HHAT: variants seen among roughly 807,000 people sequenced by gnomAD.
HHAT encodes the protein protein-cysteine N-palmitoyltransferase HHAT.
Under a neutral mutation model 70.8 loss-of-function variants are expected in HHAT, and 47 were observed. The observed-to-expected ratio is 0.66, with a 90% CI of 0.53 to 0.85. HHAT has a LOEUF of 0.85. HHAT is among the 40% of genes least tolerant of loss of function. HHAT has a pLI of 0.00. For missense variants in HHAT, 609 were observed against 604.8 expected (o/e 1.01, Z -0.07); for synonymous variants, 228 against 247.6 (o/e 0.92, Z 0.74).
chr1:210,663,159 A>G (rs1394365298), intron 11 of HHAT, among the ~76,000 whole-genome samples: 1 of 152,178 alleles, frequency 6.6e-6, no homozygotes, highest in African/African-American at 2.4e-5. Flanking sequence ...GACAAAGGAT[A>G]TAAGCGTGCT....
At chr1:210,363,720 T>C (rs1245774063) in intron 3 of HHAT, among the ~76,000 whole-genome samples, 1 of 152,216 alleles carries the variant, frequency 6.6e-6, no homozygotes, top group East Asian at 1.9e-4. Context: ...TATATTTGTT[T>C]TCTAAGTATT....
At chr1:210,417,877 T>A (rs1429611283) in intron 6 of HHAT, among the ~76,000 whole-genome samples, 1 of 152,150 alleles carries the variant, frequency 6.6e-6, no homozygotes, top group Non-Finnish European at 1.5e-5. Flanking sequence ...CCAGGGCTGA[T>A]GCTGGAGTGG....
rs536332932 is a variant in HHAT at position 210,674,637 on chromosome 1, A to G, written c.*258A>G. The G allele has an allele frequency of 2.4e-6, 1 of 422,012 alleles. No homozygotes were observed. The highest frequency in any genetic ancestry group is 4.2e-6 in the Non-Finnish European group (1 of 236,466). 26.1% of individuals were successfully genotyped at this position (422,012 alleles called of 1,614,324 possible). On this transcript the variant is annotated 3_prime_UTR_variant, in exon 12 of 12. Coordinates refer to ENST00000261458, the MANE Select transcript of HHAT (RefSeq NM_018194.6). ...CGGGTCCAGGGCAGTCGTGTGTCTT[A>G]CCCAGCTACACAGGGTGACATTTTG...
At position 210,421,591 on chromosome 1, in the gene HHAT, T is replaced by C. The variant is rs956357049; in HGVS notation, c.856+3266T>C. Among the ~76,000 whole-genome samples the C allele has an allele frequency of 2.0e-4, 30 of 152,222 alleles. 1 individual carries two copies. Among genetic ancestry groups the C allele is most frequent in the Middle Eastern group, 3.4e-3 (1 of 294 alleles). On this transcript the variant is annotated intron_variant, in intron 7 of 11. Transcript: ENST00000261458. ...TCCCAAGTAGCTGGGATTACAGGCA[T>C]GCACCACCGTGCCCAGCTAATTTTT...
At chr1:210,606,159 C>G (rs1665375383) in intron 10 of HHAT, among the ~76,000 whole-genome samples, 1 of 152,116 alleles carries the variant, frequency 6.6e-6, no homozygotes, top group Non-Finnish European at 1.5e-5. Context: ...CACACCCAGC[C>G]TATTTCTTCA....
chr1:210,576,833 G>T (rs552026944), intron 9 of HHAT, among the ~76,000 whole-genome samples: 1 of 152,152 alleles, frequency 6.6e-6, no homozygotes, highest in African/African-American at 2.4e-5. Flanking sequence ...CCATTTTTTG[G>T]TGTGTTTACT....
intron 9 of HHAT, among the ~76,000 whole-genome samples, chr1:210,525,835 G>A (rs796310748): frequency 2.0e-5 from 3 of 152,304 alleles, no homozygotes; most frequent in African/African-American, 7.2e-5. Context: ...CTGAGTCAGC[G>A]ATGTTGCTTA....
intron 6 of HHAT, among the ~76,000 whole-genome samples, chr1:210,405,721 T>A (rs2092303343): frequency 6.6e-6 from 1 of 152,218 alleles, no homozygotes. Context: ...AATAACATAA[T>A]GTTCTAAAAT....
chr1:210,334,662 A>G (rs940336026), intron 1 of HHAT, among the ~76,000 whole-genome samples: 1 of 150,430 alleles, frequency 6.6e-6, no homozygotes, highest in Non-Finnish European at 1.5e-5. Flanking sequence ...TAGTGTATAC[A>G]CCCTACCTTT....
intron 7 of HHAT, among the ~76,000 whole-genome samples, chr1:210,418,989 T>C (rs541533392): frequency 6.6e-6 from 1 of 152,168 alleles, no homozygotes; most frequent in African/African-American, 2.4e-5. Flanking sequence ...GCCAAGATCA[T>C]GCCACCACAC....
intron 10 of HHAT, among the ~76,000 whole-genome samples, chr1:210,602,060 G>A (rs563550394): frequency 2.0e-5 from 3 of 151,966 alleles, no homozygotes; most frequent in African/African-American, 7.2e-5. Context: ...TGGATCGAGG[G>A]GGAGCTGAGG....
chr1:210,550,507 C>T (rs2095519059), intron 9 of HHAT, among the ~76,000 whole-genome samples: 1 of 148,918 alleles, frequency 6.7e-6, no homozygotes, highest in South Asian at 2.2e-4. Flanking sequence ...AAGCTGTGAG[C>T]ACGGTAACGA....
At chr1:210,419,262 T>C (rs2092820869) in intron 7 of HHAT, among the ~76,000 whole-genome samples, 1 of 152,194 alleles carries the variant, frequency 6.6e-6, no homozygotes, top group Non-Finnish European at 1.5e-5. Context: ...TGTGTGTATT[T>C]CCCTCTGTAG....
At chr1:210,653,965 G>A (rs868478494) in intron 11 of HHAT, among the ~76,000 whole-genome samples, 1 of 9,962 alleles carries the variant, frequency 1.0e-4, no homozygotes, top group Non-Finnish European at 1.9e-4. Flanking sequence ...TAGTGTGACG[G>A]GAATAGTGTG....
intron 7 of HHAT, among the ~76,000 whole-genome samples, chr1:210,460,675 GTGAA>G (rs769283156): frequency 1.3e-5 from 2 of 152,300 alleles, no homozygotes; most frequent in African/African-American, 2.4e-5. Flanking sequence ...TGTATGTTAA[GTGAA>G]TGAGATGAGA....
At chr1:210,448,172 T>C (rs1162567512) in intron 7 of HHAT, among the ~76,000 whole-genome samples, 1 of 151,778 alleles carries the variant, frequency 6.6e-6, no homozygotes, top group Non-Finnish European at 1.5e-5. Flanking sequence ...ACCTCTGCCT[T>C]CCTGGTTCAA....
chr1:210,580,561 T>C (rs1326863838), intron 9 of HHAT, among the ~76,000 whole-genome samples: 2 of 143,268 alleles, frequency 1.4e-5, no homozygotes, highest in African/African-American at 5.2e-5. Flanking sequence ...CATTGTTCAA[T>C]TCCCACTTAT....
At chr1:210,374,095 TAAGCCTA>T (rs1008567503) in intron 3 of HHAT, 3 of 152,064 alleles carry the variant, frequency 2.0e-5, no homozygotes, top group African/African-American at 7.2e-5. Context: ...ATGAATCACT[TAAGCCTA>T]AAGTTGCACC....
At chr1:210,369,086 AG>A (rs1461287242) in intron 3 of HHAT, among the ~76,000 whole-genome samples, 1 of 151,990 alleles carries the variant, frequency 6.6e-6, no homozygotes, top group Non-Finnish European at 1.5e-5. Flanking sequence ...CTCAAAAAAA[AG>A]AAAGAAAAAA....
Sources: allele counts gnomAD v4.1 joint callset (sites outside exome capture counted in the v4.1 genomes callset), GRCh38; gene constraint gnomAD v4.1.1; transcripts MANE v1.5; gene names NCBI Gene and HGNC (gene_info 2026-07-23, HGNC 2026-07-21).